The following YJU2 variants were observed in gnomAD, a reference collection of about 807,000 sequenced individuals.
The protein encoded by YJU2 is YJU2 splicing factor homolog.
In YJU2, 28 loss-of-function variants were observed where a neutral mutation model predicts 39.6. The ratio of observed to expected loss-of-function variants is 0.71; its 90% CI spans 0.52 to 0.97. The LOEUF is 0.97. YJU2 is among the 50% of genes least tolerant of loss of function. YJU2 has a pLI of 0.00. For missense variants in YJU2, 328 were observed against 430.4 expected (o/e 0.76, Z 2.11); for synonymous variants, 184 against 182.4 (o/e 1.01, Z -0.07).
intron 5 of YJU2, among the ~76,000 whole-genome samples, chr19:4,259,478 C>T (rs548868160): frequency 2.6e-5 from 4 of 152,280 alleles, no homozygotes; most frequent in Admixed American, 1.3e-4. Flanking sequence ...CTCCCGGGCT[C>T]AAGCGTTCCT....
At position 4,261,990 on chromosome 19, in the gene YJU2, A is replaced by G; in HGVS notation, c.588-4A>G. The G allele has an allele frequency of 6.2e-7, 1 of 1,611,854 alleles. No homozygotes were observed. Among genetic ancestry groups the G allele is most frequent in the Non-Finnish European group, 8.5e-7 (1 of 1,179,228 alleles). On this transcript the variant is annotated splice_polypyrimidine_tract_variant and splice_region_variant and intron_variant, in intron 5 of 7. Coordinates refer to ENST00000262962, the MANE Select transcript of YJU2 (RefSeq NM_018074.6). ...CGTCCAAGTTCCCATCTTCCATCCC[A>G]CAGGGCCCTGTTGGAGGAAGCCAGA...
chr19:4,247,429 A>C, intron 1 of YJU2: 1 of 402,576 alleles, frequency 2.5e-6, no homozygotes, highest in Non-Finnish European at 4.2e-6. Context: ...CCCAATCACC[A>C]CCAGATAGGG....
At chr19:4,253,099 G>A (rs985910315) in intron 3 of YJU2, among the ~76,000 whole-genome samples, 2 of 151,830 alleles carry the variant, frequency 1.3e-5, no homozygotes, top group African/African-American at 4.8e-5. Context: ...CAGGCATGGT[G>A]GCTTACTCCC....
At chr19:4,262,559 G>A (rs1172541790) in intron 6 of YJU2, among the ~76,000 whole-genome samples, 1 of 152,072 alleles carries the variant, frequency 6.6e-6, no homozygotes, top group Non-Finnish European at 1.5e-5. Context: ...TGTGGCTGTA[G>A]CCCAAAACAC....
At chr19:4,258,922 G>A (rs1971046788) in intron 5 of YJU2, among the ~76,000 whole-genome samples, 1 of 152,064 alleles carries the variant, frequency 6.6e-6, no homozygotes, top group Non-Finnish European at 1.5e-5. Context: ...ATAAACCATG[G>A]TGTTTGCAGG....
chr19:4,254,340 C>T lies in YJU2; in HGVS notation c.271-15C>T, dbSNP rs1238071982. On this transcript the variant is annotated splice_polypyrimidine_tract_variant and intron_variant, in intron 3 of 7. Coordinates refer to ENST00000262962, the MANE Select transcript of YJU2 (RefSeq NM_018074.6). Reference sequence around the variant, plus strand: ...TGGGGATGTAGGAGCTGATGTCTGTCTATCCTCCCTGCAGACAGACCCTGA... The same window carrying T: ...TGGGGATGTAGGAGCTGATGTCTGTTTATCCTCCCTGCAGACAGACCCTGA... The T allele has an allele frequency of 2.5e-6, 4 of 1,607,066 alleles. No homozygotes were observed. The East Asian group carries it at 8.9e-5, about 36-fold the overall frequency.
intron 4 of YJU2, 76 bp from the exon 5 acceptor site, chr19:4,258,166 G>A: frequency 6.6e-7 from 1 of 1,511,036 alleles, no homozygotes; most frequent in Non-Finnish European, 8.9e-7. Context: ...GGCCCGCAGT[G>A]GCCCCCGAGG....
intron 5 of YJU2, among the ~76,000 whole-genome samples, chr19:4,259,873 A>G (rs943860835): frequency 6.6e-6 from 1 of 152,138 alleles, no homozygotes; most frequent in African/African-American, 2.4e-5. Context: ...TGTGCAGAGC[A>G]GCGATACCGT....
intron 5 of YJU2, among the ~76,000 whole-genome samples, chr19:4,259,695 G>A (rs920398974): frequency 4.6e-5 from 7 of 151,950 alleles, no homozygotes; most frequent in East Asian, 1.9e-4. Context: ...TGCCTTTGAC[G>A]CCGACCACCT....
At chr19:4,257,607 G>T (rs781245425) in intron 4 of YJU2, among the ~76,000 whole-genome samples, 3 of 152,184 alleles carry the variant, frequency 2.0e-5, no homozygotes, top group Admixed American at 6.6e-5. Context: ...CCAAGTAGCT[G>T]GGATTACAGG....
rs1333102974 is a variant in YJU2 at position 4,247,661 on chromosome 19, GT to G, written c.24+492del. Among the ~76,000 whole-genome samples the G allele has an allele frequency of 3.8e-4, 32 of 83,694 alleles. 1 individual carries two copies. Among genetic ancestry groups the G allele is most frequent in the East Asian group, 1.4e-3 (4 of 2,830 alleles). 54.9% of individuals were successfully genotyped at this position (83,694 alleles called of 152,430 possible). On this transcript the variant is annotated intron_variant, in intron 1 of 7. Transcript: ENST00000262962. Reference sequence around the variant, plus strand: ...TGTGTGTGTGTGTGTGTGTGTGTGTGTGTGTGTGTGTGTGTGTGTGTGTGTG... The same window carrying G: ...TGTGTGTGTGTGTGTGTGTGTGTGTGGTGTGTGTGTGTGTGTGTGTGTGTG...
intron 1 of YJU2, among the ~76,000 whole-genome samples, chr19:4,247,695 G>C (rs1451177832): frequency 7.2e-6 from 1 of 139,698 alleles, no homozygotes; most frequent in Non-Finnish European, 1.5e-5. Flanking sequence ...GTGTGTGTGT[G>C]TGTTTTGTTT....
At chr19:4,265,926 A>G (rs1165900109) in intron 6 of YJU2, among the ~76,000 whole-genome samples, 4 of 141,260 alleles carry the variant, frequency 2.8e-5, no homozygotes. Flanking sequence ...TCTTTTCCTC[A>G]TTTTGACATC....
At chr19:4,262,546 C>T (rs1317301614) in intron 6 of YJU2, among the ~76,000 whole-genome samples, 1 of 152,124 alleles carries the variant, frequency 6.6e-6, no homozygotes, top group African/African-American at 2.4e-5. Flanking sequence ...AACTCCTCCA[C>T]CCTGTGGCTG....
intron 4 of YJU2, among the ~76,000 whole-genome samples, chr19:4,257,621 A>C (rs1416777845): frequency 6.6e-6 from 1 of 152,092 alleles, no homozygotes; most frequent in African/African-American, 2.4e-5. Context: ...TTACAGGCAC[A>C]TGCCACTACG....
intron 3 of YJU2, among the ~76,000 whole-genome samples, chr19:4,253,085 G>A (rs1032438368): frequency 2.0e-5 from 3 of 151,604 alleles, no homozygotes; most frequent in Admixed American, 6.6e-5. Context: ...ACTAAGGGTG[G>A]GGCCAGGCAT....
intron 4 of YJU2, among the ~76,000 whole-genome samples, chr19:4,257,149 G>A (rs976441239): frequency 6.6e-6 from 1 of 152,072 alleles, no homozygotes; most frequent in Non-Finnish European, 1.5e-5. Context: ...TCAGGGACCC[G>A]TGGCCACCAG....
At chr19:4,253,144 G>C (rs1290540808) in intron 3 of YJU2, among the ~76,000 whole-genome samples, 2 of 151,170 alleles carry the variant, frequency 1.3e-5, no homozygotes, top group African/African-American at 4.9e-5. Flanking sequence ...AGGATTGCTG[G>C]GGACCAGAAG....
intron 4 of YJU2, among the ~76,000 whole-genome samples, chr19:4,256,682 G>T (rs1041351285): frequency 1.3e-5 from 2 of 152,214 alleles, no homozygotes; most frequent in Non-Finnish European, 2.9e-5. Context: ...TTGCAGTCAA[G>T]GTGTTGGCCA....
Sources: gnomAD v4.1 joint callset for allele counts (sites outside exome capture counted in the v4.1 genomes callset) on GRCh38, gnomAD v4.1.1 for gene constraint, MANE v1.5 for transcripts, NCBI Gene and HGNC (gene_info 2026-07-23, HGNC 2026-07-21) for gene names.